The following ABCA1 variants were observed in gnomAD, a reference collection of about 807,000 sequenced individuals.
ABCA1 encodes phospholipid-transporting ATPase ABCA1.
In ABCA1, 133 loss-of-function variants were observed where a neutral mutation model predicts 262.5. The ratio of observed to expected loss-of-function variants is 0.51; its 90% CI spans 0.44 to 0.59. The LOEUF is 0.59. Ranked by LOEUF, ABCA1 falls within the 20% of genes least tolerant of loss-of-function variation. The pLI is 0.00. For missense variants in ABCA1, 2,452 were observed against 2,777.5 expected (o/e 0.88, Z 2.63); for synonymous variants, 1,022 against 1,043.5 (o/e 0.98, Z 0.40).
intron 1 of ABCA1, among the ~76,000 whole-genome samples, chr9:104,917,048 A>C (rs1267686673): frequency 1.3e-5 from 2 of 152,212 alleles, no homozygotes; most frequent in East Asian, 3.8e-4. Context: ...CACTTTGGCA[A>C]CTTACATTAA....
At chr9:104,889,293 A>C in intron 2 of ABCA1, 98 bp from the exon 3 acceptor site, 1 of 1,536,770 alleles carries the variant, frequency 6.5e-7, no homozygotes, top group Non-Finnish European at 8.8e-7. Context: ...TTCATTTACT[A>C]ATTAATCAAC....
intron 7 of ABCA1, among the ~76,000 whole-genome samples, chr9:104,852,632 G>C (rs917718631): frequency 6.6e-6 from 1 of 152,176 alleles, no homozygotes; most frequent in Admixed American, 6.5e-5. Flanking sequence ...CTACCAGCTA[G>C]TGCTCTTCTT....
At chr9:104,808,720 C>T (rs1831011190) in intron 30 of ABCA1, among the ~76,000 whole-genome samples, 1 of 152,108 alleles carries the variant, frequency 6.6e-6, no homozygotes, top group Non-Finnish European at 1.5e-5. Flanking sequence ...CAAGTTTGCC[C>T]CCTCTCCAAT....
intron 9 of ABCA1, 140 bp from the exon 10 acceptor site, chr9:104,837,707 G>T (rs891921066): frequency 2.1e-6 from 2 of 968,098 alleles, no homozygotes; most frequent in African/African-American, 1.6e-5. Flanking sequence ...ACTTATCTGA[G>T]CCTCAGTTGG....
chr9:104,792,565 A>G (rs2034345041), intron 42 of ABCA1, among the ~76,000 whole-genome samples: 1 of 152,228 alleles, frequency 6.6e-6, no homozygotes, highest in Non-Finnish European at 1.5e-5. Context: ...TATAAAACCA[A>G]TGTATTCGAG....
intron 1 of ABCA1, among the ~76,000 whole-genome samples, chr9:104,906,341 T>C (rs1308152825): frequency 6.6e-6 from 1 of 152,168 alleles, no homozygotes; most frequent in African/African-American, 2.4e-5. Flanking sequence ...GACACACCTC[T>C]ACACAACGTT....
At chr9:104,784,504 A>G in intron 49 of ABCA1, 49 bp from the exon 50 acceptor site, 1 of 1,609,298 alleles carries the variant, frequency 6.2e-7, no homozygotes, top group Non-Finnish European at 8.5e-7. Context: ...CAACTTGCTC[A>G]TTCTTTATTC....
chr9:104,926,347 A>G (rs1826323789), intron 1 of ABCA1, among the ~76,000 whole-genome samples: 2 of 151,922 alleles, frequency 1.3e-5, no homozygotes, highest in South Asian at 4.2e-4. Context: ...TTTTTGATAA[A>G]AGATATACCT....
At chr9:104,819,565 G>C (rs777301487) in intron 22 of ABCA1, 21 bp downstream of exon 22, 17 of 1,613,980 alleles carry the variant, frequency 1.1e-5, no homozygotes, top group Non-Finnish European at 1.4e-5. Context: ...CATTTACTCA[G>C]AATAAATACA....
At chr9:104,824,395 C>T in intron 18 of ABCA1, 70 bp downstream of exon 18, 1 of 1,606,644 alleles carries the variant, frequency 6.2e-7, no homozygotes, top group Admixed American at 1.7e-5. Context: ...GGAGACATCG[C>T]TTGCCCCCAA....
At chr9:104,853,684 A>G (rs1320716338) in intron 7 of ABCA1, among the ~76,000 whole-genome samples, 2 of 152,102 alleles carry the variant, frequency 1.3e-5, no homozygotes, top group Non-Finnish European at 2.9e-5. Flanking sequence ...TCTCCTCCCA[A>G]AGTCACCTCT....
At chr9:104,902,982 G>A (rs1044529580) in intron 2 of ABCA1, among the ~76,000 whole-genome samples, 3 of 152,142 alleles carry the variant, frequency 2.0e-5, no homozygotes, top group East Asian at 1.9e-4. Context: ...AAGAGCTGAC[G>A]TCTGAGTTTC....
chr9:104,885,233 T>C (rs1564246113), intron 3 of ABCA1, among the ~76,000 whole-genome samples: 1 of 152,022 alleles, frequency 6.6e-6, no homozygotes, highest in Non-Finnish European at 1.5e-5. Flanking sequence ...CGAAACTCCA[T>C]TTCAAAAAAA....
In ABCA1 at chr9:104,798,378, C is replaced by G. The variant is rs1830072840; in HGVS notation, c.5121+43G>C. The G allele has an allele frequency of 4.4e-6, 7 of 1,602,526 alleles. No individual in the cohort carries two copies. In the East Asian group the frequency reaches 1.6e-4, roughly 36 times the overall value. ...CTTTCTTATCCATATCAATCCATGGCCCTGACAGACATCAGAAAGATACAG... is the reference window on the plus strand; with the variant it reads ...CTTTCTTATCCATATCAATCCATGGGCCTGACAGACATCAGAAAGATACAG... On this transcript the variant is annotated intron_variant, in intron 37 of 49. Coordinates refer to ENST00000374736, the MANE Select transcript of ABCA1 (RefSeq NM_005502.4).
intron 1 of ABCA1, among the ~76,000 whole-genome samples, chr9:104,904,865 G>A (rs950183431): frequency 2.6e-5 from 4 of 152,168 alleles, no homozygotes; most frequent in Non-Finnish European, 4.4e-5. Context: ...CCCCTACTCC[G>A]TTGGGTGTCA....
intron 30 of ABCA1, among the ~76,000 whole-genome samples, chr9:104,807,261 T>C (rs1213190665): frequency 6.6e-6 from 1 of 152,074 alleles, no homozygotes; most frequent in African/African-American, 2.4e-5. Flanking sequence ...ATGACTGGGG[T>C]GAGAATGCTC....
chr9:104,816,007 A>G (rs980999854), intron 25 of ABCA1, 136 bp downstream of exon 25: 4 of 977,600 alleles, frequency 4.1e-6, no homozygotes, highest in Non-Finnish European at 6.5e-6. Context: ...CACTGGGGCC[A>G]ACATTAATCA....
chr9:104,893,421 C>CAAAAAAAAA (rs34544647), intron 2 of ABCA1, among the ~76,000 whole-genome samples: 21 of 35,246 alleles, frequency 6.0e-4, no homozygotes, highest in African/African-American at 1.1e-3. Context: ...GACTTCACCT[C>CAAAAAAAAA]AAAAAAAAAA....
At chr9:104,914,795 T>C (rs1814492215) in intron 1 of ABCA1, among the ~76,000 whole-genome samples, 1 of 152,194 alleles carries the variant, frequency 6.6e-6, no homozygotes, top group Non-Finnish European at 1.5e-5. Context: ...AAGTAAAGGT[T>C]TGTGTGACAA....
Sources: allele counts gnomAD v4.1 joint callset (sites outside exome capture counted in the v4.1 genomes callset), GRCh38; gene constraint gnomAD v4.1.1; transcripts MANE v1.5; gene names NCBI Gene and HGNC (gene_info 2026-07-23, HGNC 2026-07-21).